Variants in PTPRD observed in about 807,000 individuals in gnomAD.
The protein encoded by PTPRD is protein tyrosine phosphatase receptor type D.
Under a neutral mutation model 214.5 loss-of-function variants are expected in PTPRD, and 34 were observed. That is an observed-to-expected ratio of 0.16 (90% CI 0.12 to 0.21). The LOEUF is 0.21. Among genes scored for constraint, PTPRD ranks in the 10% least tolerant of loss-of-function variants. The pLI is 1.00. For missense variants in PTPRD, 2,545 were observed against 2,398.7 expected, an observed-to-expected ratio of 1.06 and a Z score of -1.27; for synonymous variants, 1,128 against 845.7, an observed-to-expected ratio of 1.33 and a Z score of -5.79.
At chr9:8,602,551 T>A (rs1260690373) in intron 14 of PTPRD, among the ~76,000 whole-genome samples, 2 of 152,216 alleles carry the variant, frequency 1.3e-5, no homozygotes, top group Non-Finnish European at 2.9e-5. Flanking sequence ...TTAAAATTGT[T>A]TTTCAAAACT....
chr9:9,071,366 A>G (rs530155116), intron 10 of PTPRD, among the ~76,000 whole-genome samples: 11 of 152,322 alleles, frequency 7.2e-5, no homozygotes, highest in African/African-American at 2.6e-4. Flanking sequence ...GAGTTAGTCA[A>G]GAGGGAAATT....
At chr9:10,169,873 G>A (rs565892508) in intron 3 of PTPRD, among the ~76,000 whole-genome samples, 29 of 152,252 alleles carry the variant, frequency 1.9e-4, no homozygotes, top group African/African-American at 5.5e-4. Context: ...TCAATAGAAG[G>A]TGATTCCAAG....
At chr9:10,485,851 G>C (rs186943014) in intron 2 of PTPRD, among the ~76,000 whole-genome samples, 1 of 151,960 alleles carries the variant, frequency 6.6e-6, no homozygotes, top group East Asian at 1.9e-4. Context: ...GAAATAGATT[G>C]TTCAGTTTAT....
chr9:8,621,293 G>GA (rs562891609), intron 14 of PTPRD, among the ~76,000 whole-genome samples: 64 of 152,056 alleles, frequency 4.2e-4, no homozygotes, highest in African/African-American at 1.4e-3. Context: ...TGGTCCCTGA[G>GA]CTTAATCAAT....
At chr9:10,350,574 A>G (rs1310118402) in intron 2 of PTPRD, among the ~76,000 whole-genome samples, 2 of 152,066 alleles carry the variant, frequency 1.3e-5, no homozygotes, top group East Asian at 3.9e-4. Flanking sequence ...CATTATTTCT[A>G]TTTTACAGAT....
intron 2 of PTPRD, among the ~76,000 whole-genome samples, chr9:10,468,321 TAAA>T (rs1161886214): frequency 6.6e-6 from 1 of 152,132 alleles, no homozygotes; most frequent in East Asian, 1.9e-4. Flanking sequence ...TATGCAGCCA[TAAA>T]AAAGGATGAG....
intron 5 of PTPRD, among the ~76,000 whole-genome samples, chr9:9,882,663 G>A (rs1229131444): frequency 6.6e-6 from 1 of 152,102 alleles, no homozygotes. Context: ...CTCCATTTAG[G>A]TTGTGCATTA....
intron 9 of PTPRD, among the ~76,000 whole-genome samples, chr9:9,287,638 T>C (rs1307144138): frequency 6.6e-6 from 1 of 151,960 alleles, no homozygotes; most frequent in Non-Finnish European, 1.5e-5. Context: ...ATCATACTAA[T>C]GAAATGGTTA....
At chr9:8,498,276 T>G (rs1228017552) in intron 25 of PTPRD, among the ~76,000 whole-genome samples, 1 of 152,144 alleles carries the variant, frequency 6.6e-6, no homozygotes, top group Non-Finnish European at 1.5e-5. Context: ...ATTTTTTTAT[T>G]TTTTTAATTT....
At chr9:9,707,415 C>A (rs1349008166) in intron 7 of PTPRD, among the ~76,000 whole-genome samples, 1 of 152,106 alleles carries the variant, frequency 6.6e-6, no homozygotes, top group Non-Finnish European at 1.5e-5. Flanking sequence ...TAATCCCTCT[C>A]TAATAGAACT....
At chr9:9,245,338 T>A (rs1193839544) in intron 9 of PTPRD, among the ~76,000 whole-genome samples, 1 of 152,146 alleles carries the variant, frequency 6.6e-6, no homozygotes, top group African/African-American at 2.4e-5. Context: ...ATTGCGGCAC[T>A]ATTCACAATA....
At chr9:9,814,738 A>G (rs1212796774) in intron 5 of PTPRD, among the ~76,000 whole-genome samples, 1 of 152,078 alleles carries the variant, frequency 6.6e-6, no homozygotes, top group Non-Finnish European at 1.5e-5. Flanking sequence ...TCACAGAAAT[A>G]AAAAATACAA....
chr9:8,854,551 T>C (rs913889798), intron 11 of PTPRD, among the ~76,000 whole-genome samples: 3 of 152,214 alleles, frequency 2.0e-5, no homozygotes, highest in Non-Finnish European at 4.4e-5. Flanking sequence ...GTCACCCTTG[T>C]CAGTTTGAAA....
intron 14 of PTPRD, among the ~76,000 whole-genome samples, chr9:8,578,700 G>C (rs550360774): frequency 3.9e-5 from 6 of 152,220 alleles, no homozygotes; most frequent in African/African-American, 1.2e-4. Context: ...TCAGGACTGG[G>C]CTTAACATGT....
At chr9:9,745,042 T>C (rs1047292134) in intron 6 of PTPRD, among the ~76,000 whole-genome samples, 3 of 152,086 alleles carry the variant, frequency 2.0e-5, no homozygotes, top group African/African-American at 7.2e-5. Context: ...GATTGAAACA[T>C]TTTTAATGTC....
intron 5 of PTPRD, among the ~76,000 whole-genome samples, chr9:9,878,481 A>C (rs2067579389): frequency 6.6e-6 from 1 of 152,202 alleles, no homozygotes; most frequent in Admixed American, 6.5e-5. Context: ...TAAAGGATGA[A>C]TAGGCATTAT....
intron 10 of PTPRD, among the ~76,000 whole-genome samples, chr9:9,127,068 G>A (rs1433239658): frequency 6.7e-6 from 1 of 150,234 alleles, no homozygotes; most frequent in Non-Finnish European, 1.5e-5. Context: ...ACCCAGAACA[G>A]GTTGCCATCC....
chr9:9,965,339 T>C (rs1357605306), intron 4 of PTPRD, among the ~76,000 whole-genome samples: 1 of 152,070 alleles, frequency 6.6e-6, no homozygotes, highest in African/African-American at 2.4e-5. Flanking sequence ...AGTTGGGTGT[T>C]AATGAGAGGA....
intron 3 of PTPRD, among the ~76,000 whole-genome samples, chr9:10,035,012 C>A (rs1177886706): frequency 6.6e-6 from 1 of 152,096 alleles, no homozygotes; most frequent in Admixed American, 6.5e-5. Flanking sequence ...GTCTTAAGGT[C>A]TTTGAGTAGT....
Sources: gnomAD v4.1 joint callset for allele counts (sites outside exome capture counted in the v4.1 genomes callset) on GRCh38, gnomAD v4.1.1 for gene constraint, MANE v1.5 for transcripts, NCBI Gene and HGNC (gene_info 2026-07-23, HGNC 2026-07-21) for gene names.